The following ENTREP2 variants were observed in gnomAD, a reference collection of about 807,000 sequenced individuals.
The protein encoded by ENTREP2 is endosomal transmembrane epsin interactor 2, also known as protein ENTREP2.
At chr15:29,120,274 T>G in the ENTREP2 span, 1 of 152,222 alleles carries the variant, frequency 6.6e-6, no homozygotes, top group Non-Finnish European at 1.5e-5. Context: ...TTCTTTTTAT[T>G]AAAACACGGA....
chr15:29,277,739 T>C, the ENTREP2 span, among the ~76,000 whole-genome samples: 1 of 152,278 alleles, frequency 6.6e-6, no homozygotes, highest in East Asian at 1.9e-4. Flanking sequence ...TACTCTAAAG[T>C]GGCTGTGTTC....
chr15:29,369,015 T>C, the ENTREP2 span, among the ~76,000 whole-genome samples: 1 of 152,120 alleles, frequency 6.6e-6, no homozygotes, highest in African/African-American at 2.4e-5. Flanking sequence ...GATAGGTTAA[T>C]TGAGGTTATC....
chr15:29,244,388 GT>G, the ENTREP2 span, among the ~76,000 whole-genome samples: 3 of 152,354 alleles, frequency 2.0e-5, no homozygotes, highest in Non-Finnish European at 4.4e-5. Flanking sequence ...AAACAAGGGT[GT>G]TAAAAAATTC....
chr15:29,417,341 T>G, the ENTREP2 span, among the ~76,000 whole-genome samples: 4 of 152,184 alleles, frequency 2.6e-5, no homozygotes, highest in African/African-American at 7.2e-5. Flanking sequence ...TCTTGTCCTT[T>G]GTAGGGACAT....
chr15:29,131,749 C>A, the ENTREP2 span, among the ~76,000 whole-genome samples: 1 of 139,018 alleles, frequency 7.2e-6, no homozygotes, highest in South Asian at 2.7e-4. Context: ...GAGAGTGCCA[C>A]GACAGGGGGA....
At chr15:29,132,299 C>T in the ENTREP2 span, among the ~76,000 whole-genome samples, 1 of 152,164 alleles carries the variant, frequency 6.6e-6, no homozygotes, top group Non-Finnish European at 1.5e-5. Flanking sequence ...CACGGCCTTC[C>T]CTCTGTGGAC....
the ENTREP2 span, among the ~76,000 whole-genome samples, chr15:29,561,484 G>A: frequency 3.3e-4 from 50 of 152,084 alleles, no homozygotes; most frequent in East Asian, 3.9e-4. Context: ...TCAGGAGATC[G>A]AGACCATCTT....
the ENTREP2 span, among the ~76,000 whole-genome samples, chr15:29,483,891 C>T: frequency 1.3e-5 from 2 of 152,096 alleles, no homozygotes; most frequent in Non-Finnish European, 2.9e-5. Flanking sequence ...TTGGAAACTG[C>T]CTATCTGGCT....
At chr15:29,237,835 T>G in the ENTREP2 span, among the ~76,000 whole-genome samples, 1 of 152,126 alleles carries the variant, frequency 6.6e-6, no homozygotes, top group Non-Finnish European at 1.5e-5. Flanking sequence ...GCAATTGTGG[T>G]TTTTGCCATT....
chr15:29,518,447 A>G, the ENTREP2 span, among the ~76,000 whole-genome samples: 5 of 152,304 alleles, frequency 3.3e-5, no homozygotes, highest in South Asian at 1.0e-3. Context: ...AAAAACAAAT[A>G]AAAAAGAAAA....
chr15:29,358,422 T>C, the ENTREP2 span, among the ~76,000 whole-genome samples: 1 of 152,186 alleles, frequency 6.6e-6, no homozygotes, highest in Admixed American at 6.5e-5. Flanking sequence ...TGTAAAAGAA[T>C]GATGAACCTT....
the ENTREP2 span, among the ~76,000 whole-genome samples, chr15:29,648,935 T>TAA: frequency 2.9e-5 from 4 of 137,234 alleles, no homozygotes; most frequent in Admixed American, 7.3e-5. Flanking sequence ...GCGAAAACTC[T>TAA]AAAAAAAAAA....
chr15:29,207,334 G>C, the ENTREP2 span, among the ~76,000 whole-genome samples: 9 of 151,590 alleles, frequency 5.9e-5, no homozygotes, highest in Non-Finnish European at 1.3e-4. Flanking sequence ...TTCCCAGCGA[G>C]TGTTACAGCT....
chr15:29,293,556 A>C, the ENTREP2 span, among the ~76,000 whole-genome samples: 1 of 151,952 alleles, frequency 6.6e-6, no homozygotes, highest in Non-Finnish European at 1.5e-5. Flanking sequence ...GCGCCCGGCC[A>C]AATTTATTGA....
chr15:29,285,398 A>G, the ENTREP2 span, among the ~76,000 whole-genome samples: 1 of 152,224 alleles, frequency 6.6e-6, no homozygotes, highest in African/African-American at 2.4e-5. Flanking sequence ...ATAGCAAAGC[A>G]CTTCCCTGCA....
the ENTREP2 span, among the ~76,000 whole-genome samples, chr15:29,289,052 A>G: frequency 0.02 from 3,077 of 152,016 alleles, 88 homozygotes; most frequent in African/African-American, 0.053. Context: ...AAAAAATTAG[A>G]AGAAATTAGC....
At chr15:29,311,682 T>A in the ENTREP2 span, among the ~76,000 whole-genome samples, 3 of 151,922 alleles carry the variant, frequency 2.0e-5, no homozygotes, top group East Asian at 5.8e-4. Context: ...CGAGTGAGAC[T>A]CCATCCCCCC....
At chr15:29,533,517 C>T in the ENTREP2 span, among the ~76,000 whole-genome samples, 1 of 152,178 alleles carries the variant, frequency 6.6e-6, no homozygotes, top group South Asian at 2.1e-4. Flanking sequence ...TAAGCTTCCA[C>T]CTGTTCACCT....
the ENTREP2 span, chr15:29,196,615 C>T: frequency 2.6e-5 from 39 of 1,525,588 alleles, no homozygotes; most frequent in African/African-American, 6.9e-5. Flanking sequence ...ATTCGACCCC[C>T]GAGGGTACGC....
Sources: gnomAD v4.1 joint callset for allele counts (sites outside exome capture counted in the v4.1 genomes callset) on GRCh38, gnomAD v4.1.1 for gene constraint, MANE v1.5 for transcripts, NCBI Gene and HGNC (gene_info 2026-07-23, HGNC 2026-07-21) for gene names.